Variants in NKX1-2 observed in about 807,000 individuals in gnomAD.
NKX1-2 encodes the protein NK1 transcription factor-related protein 2.
Under a neutral mutation model 4.4 loss-of-function variants are expected in NKX1-2, and 1 was observed. The observed-to-expected ratio is 0.23, with a 90% CI of 0.08 to 1.08. NKX1-2 has a LOEUF of 1.08. Ranked by LOEUF, NKX1-2 falls within the 50% of genes least tolerant of loss-of-function variation. NKX1-2 has a pLI of 0.55. For synonymous variants in NKX1-2, 235 were observed against 228.0 expected (o/e 1.03, Z -0.28); for missense variants, 503 against 464.6 (o/e 1.08, Z -0.76).
Position 124,448,006 on chromosome 10 carries a change from T to G in NKX1-2, c.356A>C (p.Asp119Ala). The change falls in exon 2 of 2, where the codon GAC becomes GCC. Residue 119 changes from aspartate to alanine, a missense_variant. Transcript: ENST00000451024. This position sits in a 1 kb window ranked among gnomAD's most constrained non-coding sequence, Gnocchi z 4.1. ...AGACGCCAATGCCCCGGCCGGGGCGTCAGGTGAGCGCGCTAGGCCCGGCAG... is the reference window on the plus strand; with the variant it reads ...AGACGCCAATGCCCCGGCCGGGGCGGCAGGTGAGCGCGCTAGGCCCGGCAG... ...RLLPGLARSPDAPAGALASGE... is the reference protein window; with the variant it reads ...RLLPGLARSPAAPAGALASGE... 1 of 1,496,698 alleles carries G rather than the reference T, an allele frequency of 6.7e-7. No homozygotes were observed. The highest frequency in any genetic ancestry group is 8.9e-7 in the Non-Finnish European group (1 of 1,129,492). 92.7% of individuals were successfully genotyped at this position (1,496,698 alleles called of 1,614,324 possible).
chr10:124,449,883 A>G lies in NKX1-2; in HGVS notation c.61T>C (p.Ser21Pro). The change falls in exon 1 of 2, where the codon TCT becomes CCT. Residue 21 changes from serine to proline, a missense_variant. Ser to Pro is a moderately conservative substitution (Grantham distance 74, BLOSUM62 -1). Coordinates refer to ENST00000451024, the MANE Select transcript of NKX1-2 (RefSeq NM_001146340.3). This position sits in a 1 kb window ranked among gnomAD's most constrained non-coding sequence, Gnocchi z 7.5. ...TGTGGGTCCAGGATGTCCAGGACAG[A>G]GAAAGAAATCTTGTGGTGGGAGGGA... The part of the protein sequence containing the change: ...AAPSHHKISF[S>P]VLDILDPQKF... 6.4e-7 allele frequency: 1 copy of G among 1,551,054 alleles called. No individual in the cohort carries two copies. The highest frequency in any genetic ancestry group is 8.7e-7 in the Non-Finnish European group (1 of 1,146,496).
In NKX1-2 at chr10:124,448,162, G is replaced by A. The variant is rs963985733; in HGVS notation, c.215-15C>T. The stretch of plus-strand genomic sequence containing the variant: ...GCCCGCAGCATCTAGGGGAGAAGGG[G>A]TCGGTGAACAGAAGCCTCTCCAGGT... On this transcript the variant is annotated splice_polypyrimidine_tract_variant and intron_variant, in intron 1 of 1. Coordinates refer to ENST00000451024, the MANE Select transcript of NKX1-2 (RefSeq NM_001146340.3). This position sits in a 1 kb window ranked among gnomAD's most constrained non-coding sequence, Gnocchi z 4.1. The A allele has an allele frequency of 4.2e-6, 6 of 1,440,998 alleles. No homozygotes were observed. Among genetic ancestry groups the A allele is most frequent in the Non-Finnish European group, 5.4e-6 (6 of 1,104,876 alleles). 89.3% of individuals were successfully genotyped at this position (1,440,998 alleles called of 1,614,324 possible). A position where few individuals can be genotyped will look rare whatever the true frequency, so the allele number is the denominator to read the frequency against.
In NKX1-2 at chr10:124,449,698, C is replaced by T. The variant is rs139322555; in HGVS notation, c.214+32G>A. On this transcript the variant is annotated intron_variant, in intron 1 of 1. Transcript: ENST00000451024. The surrounding 1 kb of genome is among the most constrained non-coding windows in gnomAD (Gnocchi z 7.5). The stretch of plus-strand genomic sequence containing the variant: ...ACACTCCGCATTGTTGGGGCTGAGG[C>T]CTCCTGGGGCCGGGGCCGCCTTGCA... 281 of 1,478,636 alleles carry T rather than the reference C, an allele frequency of 1.9e-4. No homozygotes were observed. The East Asian group carries it at 6.8e-3, about 36-fold the overall frequency. 91.6% of individuals were successfully genotyped at this position (1,478,636 alleles called of 1,614,324 possible). A position where few individuals can be genotyped will look rare whatever the true frequency, so the allele number is the denominator to read the frequency against.
Position 124,449,952 on chromosome 10 carries a change from C to A in NKX1-2, c.-9G>T. ...TCCTGCCATGCCAGCATGCCCGTCG[C>A]CCACGGGCCGGCGGTCGGCGGCGCG... On this transcript the variant is annotated 5_prime_UTR_variant, in exon 1 of 2. Coordinates refer to ENST00000451024, the MANE Select transcript of NKX1-2 (RefSeq NM_001146340.3). This position sits in a 1 kb window ranked among gnomAD's most constrained non-coding sequence, Gnocchi z 7.5. The A allele has an allele frequency of 6.6e-7, 1 of 1,525,784 alleles. No homozygotes were observed. Among genetic ancestry groups the A allele is most frequent in the Non-Finnish European group, 8.8e-7 (1 of 1,131,282 alleles). 94.5% of individuals were successfully genotyped at this position (1,525,784 alleles called of 1,614,324 possible).
rs905947184 is a variant in NKX1-2 at position 124,445,638 on chromosome 10, G to A, written c.*1791C>T. 6.6e-6 allele frequency: 1 copy of A among 152,200 alleles called. No homozygotes were observed. The highest frequency in any genetic ancestry group is 1.5e-5 in the Non-Finnish European group (1 of 68,036). 9.4% of individuals were successfully genotyped at this position (152,200 alleles called of 1,614,324 possible). ...TTATTAAAGGAGTGTTTACCGAAGT[G>A]TAAGGTGAATATTATCTAGTAGAGT... On this transcript the variant is annotated 3_prime_UTR_variant, in exon 2 of 2. Coordinates refer to ENST00000451024, the MANE Select transcript of NKX1-2 (RefSeq NM_001146340.3).
At position 124,449,960 on chromosome 10, in the gene NKX1-2, C is replaced by A. The variant is rs1440491319; in HGVS notation, c.-17G>T. The A allele has an allele frequency of 1.3e-6, 2 of 1,516,542 alleles. No individual in the cohort carries two copies. Among genetic ancestry groups the A allele is most frequent in the East Asian group, 2.5e-5 (1 of 40,262 alleles). The allele number at this position is 1,516,542 out of a possible 1,614,324, so 93.9% of individuals were successfully genotyped here. ...TGCCAGCATGCCCGTCGCCCACGGG[C>A]CGGCGGTCGGCGGCGCGGGGTTGGG... is the stretch of plus-strand genomic sequence containing the variant. On this transcript the variant is annotated 5_prime_UTR_variant, in exon 1 of 2. Transcript: ENST00000451024. The surrounding 1 kb of genome is among the most constrained non-coding windows in gnomAD (Gnocchi z 7.5).
At position 124,447,331 on chromosome 10, in the gene NKX1-2, A is replaced by G; in HGVS notation, c.*98T>C. On this transcript the variant is annotated 3_prime_UTR_variant, in exon 2 of 2. Coordinates refer to ENST00000451024, the MANE Select transcript of NKX1-2 (RefSeq NM_001146340.3). ...GCGCGCGGCGGGCAGGGGTGCGCTG[A>G]CACCCGCGCACCTGCACCCCCGGTG... 1.4e-6 allele frequency: 1 copy of G among 712,306 alleles called. No individual in the cohort carries two copies. The highest frequency in any genetic ancestry group is 1.9e-6 in the Non-Finnish European group (1 of 520,916). 44.1% of individuals were successfully genotyped at this position (712,306 alleles called of 1,614,324 possible). A position where few individuals can be genotyped will look rare whatever the true frequency, so the allele number is the denominator to read the frequency against.
chr10:124,449,639 A>T lies in NKX1-2; in HGVS notation c.214+91T>A. The T allele has an allele frequency of 2.1e-6, 2 of 954,058 alleles. No homozygotes were observed. Among genetic ancestry groups the T allele is most frequent in the Non-Finnish European group, 3.3e-6 (2 of 611,956 alleles). 59.1% of individuals were successfully genotyped at this position (954,058 alleles called of 1,614,324 possible). On this transcript the variant is annotated intron_variant, in intron 1 of 1. Transcript: ENST00000451024. The surrounding 1 kb of genome is among the most constrained non-coding windows in gnomAD (Gnocchi z 7.5). ...CCTTCTCTCTGAGGAAGACGCTGTT[A>T]AGGGCCACTCACCGGGCCCGGCTGT...
At position 124,449,798 on chromosome 10, in the gene NKX1-2, C is replaced by G; in HGVS notation, c.146G>C (p.Ser49Thr). Residue 49 changes from serine to threonine, a missense_variant, in exon 1 of 2, where the codon AGT becomes ACT. Ser to Thr is a moderately conservative substitution (Grantham distance 58). Transcript: ENST00000451024. The surrounding 1 kb of genome is among the most constrained non-coding windows in gnomAD (Gnocchi z 7.5). ...TTTCCCCGCTTCGACCTCCGCCAAACTTTTCCTGGCTTCCCGGGGAGCCGG... is the reference window on the plus strand; with the variant it reads ...TTTCCCCGCTTCGACCTCCGCCAAAGTTTTCCTGGCTTCCCGGGGAGCCGG... ...VRPAPREARK[S>T]LAEVEAGKDA... 1 of 1,551,732 alleles carries G rather than the reference C, an allele frequency of 6.4e-7. No individual in the cohort carries two copies. The highest frequency in any genetic ancestry group is 8.7e-7 in the Non-Finnish European group (1 of 1,146,992).
At position 124,445,876 on chromosome 10, in the gene NKX1-2, T is replaced by C. The variant is rs1046155925; in HGVS notation, c.*1553A>G. The C allele has an allele frequency of 1.3e-5, 2 of 152,218 alleles. No homozygotes were observed. Among genetic ancestry groups the C allele is most frequent in the African/African-American group, 4.8e-5 (2 of 41,460 alleles). 9.4% of individuals were successfully genotyped at this position (152,218 alleles called of 1,614,324 possible). On this transcript the variant is annotated 3_prime_UTR_variant, in exon 2 of 2. Coordinates refer to ENST00000451024, the MANE Select transcript of NKX1-2 (RefSeq NM_001146340.3). ...GGGGAATATTTTCTATCATTCCTGA[T>C]AACAGAACTAGATATTTCAAGATCA... is the stretch of plus-strand genomic sequence containing the variant.
At position 124,447,415 on chromosome 10, in the gene NKX1-2, A is replaced by G; in HGVS notation, c.*14T>C. 1 of 1,243,586 alleles carries G rather than the reference A, an allele frequency of 8.0e-7. No individual in the cohort carries two copies. Among genetic ancestry groups the G allele is most frequent in the Non-Finnish European group, 1.0e-6 (1 of 984,434 alleles). The allele number at this position is 1,243,586 out of a possible 1,614,324, so 77.0% of individuals were successfully genotyped here. ...TCGTGAATCCCGCGAAAGAGGGGCC[A>G]GGGGGCTCCGGATTCATAGACGCGG... is the stretch of plus-strand genomic sequence containing the variant. On this transcript the variant is annotated 3_prime_UTR_variant, in exon 2 of 2. Transcript: ENST00000451024.
In NKX1-2 at chr10:124,449,939, A is replaced by G. The variant is rs1452502417; in HGVS notation, c.5T>C (p.Leu2Pro). The G allele has an allele frequency of 6.5e-7, 1 of 1,534,790 alleles. No homozygotes were observed. The highest frequency in any genetic ancestry group is 2.5e-5 in the East Asian group (1 of 40,452). The change falls in exon 1 of 2, where the codon CTG (leucine) becomes CCG (proline). Residue 2 changes from leucine (L) to proline (P), a missense_variant. Leu to Pro is a moderately conservative substitution (Grantham distance 98). Coordinates refer to ENST00000451024, the MANE Select transcript of NKX1-2 (RefSeq NM_001146340.3). The surrounding 1 kb of genome is among the most constrained non-coding windows in gnomAD (Gnocchi z 7.5). ...CTTGGCCCCGCCGTCCTGCCATGCC[A>G]GCATGCCCGTCGCCCACGGGCCGGC... M[L>P]AWQDGGAKAA...
At position 124,449,088 on chromosome 10, in the gene NKX1-2, G is replaced by A. The variant is rs1030389494; in HGVS notation, c.214+642C>T. Among the ~76,000 whole-genome samples the A allele has an allele frequency of 6.6e-6, 1 of 152,160 alleles. No homozygotes were observed. The highest frequency in any genetic ancestry group is 1.5e-5 in the Non-Finnish European group (1 of 68,030). On this transcript the variant is annotated intron_variant, in intron 1 of 1. Transcript: ENST00000451024. This position sits in a 1 kb window ranked among gnomAD's most constrained non-coding sequence, Gnocchi z 7.5. ...TTCCTAACCCCTTCATCAGGTGTCC[G>A]CCAGCGTTGGGAGTAATTCAGAAAG... is the stretch of plus-strand genomic sequence containing the variant.
At position 124,449,971 on chromosome 10, in the gene NKX1-2, C is replaced by A. The variant is rs756232422; in HGVS notation, c.-28G>T. 6.7e-7 allele frequency: 1 copy of A among 1,497,802 alleles called. No homozygotes were observed. The highest frequency in any genetic ancestry group is 2.1e-5 in the Admixed American group (1 of 47,132). 92.8% of individuals were successfully genotyped at this position (1,497,802 alleles called of 1,614,324 possible). The stretch of plus-strand genomic sequence containing the variant: ...CCGTCGCCCACGGGCCGGCGGTCGG[C>A]GGCGCGGGGTTGGGGATGGCGCCGC... On this transcript the variant is annotated 5_prime_UTR_variant, in exon 1 of 2. Transcript: ENST00000451024. The surrounding 1 kb of genome is among the most constrained non-coding windows in gnomAD (Gnocchi z 7.5).
At position 124,448,288 on chromosome 10, in the gene NKX1-2, A is replaced by C; in HGVS notation, c.215-141T>G. On this transcript the variant is annotated intron_variant, in intron 1 of 1. Transcript: ENST00000451024. The surrounding 1 kb of genome is among the most constrained non-coding windows in gnomAD (Gnocchi z 4.1). ...CCACATCGCGCTCCCCTTAGGCCGG[A>C]CTACACATCCTCGCCAGCGGGTTTA... 1 of 1,259,174 alleles carries C rather than the reference A, an allele frequency of 7.9e-7. No individual in the cohort carries two copies. 78.0% of individuals were successfully genotyped at this position (1,259,174 alleles called of 1,614,324 possible). A position where few individuals can be genotyped will look rare whatever the true frequency, so the allele number is the denominator to read the frequency against.
chr10:124,448,015 C>T lies in NKX1-2; in HGVS notation c.347G>A (p.Arg116His), dbSNP rs1478136175. The change falls in exon 2 of 2, where the codon CGC (arginine) becomes CAC (histidine). Residue 116 changes from arginine to histidine, a missense_variant. Transcript: ENST00000451024. This position sits in a 1 kb window ranked among gnomAD's most constrained non-coding sequence, Gnocchi z 4.1. ...RAARLLPGLA[R>H]SPDAPAGALA... ...TGCCCCGGCCGGGGCGTCAGGTGAG[C>T]GCGCTAGGCCCGGCAGCAAGCGCGC... The T allele has an allele frequency of 2.7e-6, 4 of 1,503,664 alleles. No homozygotes were observed. Among genetic ancestry groups the T allele is most frequent in the Non-Finnish European group, 3.5e-6 (4 of 1,132,464 alleles). The allele number at this position is 1,503,664 out of a possible 1,614,324, so 93.1% of individuals were successfully genotyped here. A position where few individuals can be genotyped will look rare whatever the true frequency, so the allele number is the denominator to read the frequency against.
Position 124,449,922 on chromosome 10 carries a change from C to G in NKX1-2, c.22G>C (p.Gly8Arg). The G allele has an allele frequency of 6.5e-7, 1 of 1,546,420 alleles. No individual in the cohort carries two copies. Among genetic ancestry groups the G allele is most frequent in the Non-Finnish European group, 8.7e-7 (1 of 1,143,470 alleles). MLAWQDG[G>R]AKAAPSHHKI... ...TGGTGGGAGGGAGCCGCCTTGGCCC[C>G]GCCGTCCTGCCATGCCAGCATGCCC... The change falls in exon 1 of 2, where the codon GGG becomes CGG. Residue 8 changes from glycine (G) to arginine (R), a missense_variant. Coordinates refer to ENST00000451024, the MANE Select transcript of NKX1-2 (RefSeq NM_001146340.3). The surrounding 1 kb of genome is among the most constrained non-coding windows in gnomAD (Gnocchi z 7.5).
chr10:124,446,589 T>C lies in NKX1-2; in HGVS notation c.*840A>G, dbSNP rs1208651095. On this transcript the variant is annotated 3_prime_UTR_variant, in exon 2 of 2. Coordinates refer to ENST00000451024, the MANE Select transcript of NKX1-2 (RefSeq NM_001146340.3). ...TAGGCAGCCTCATGCATAGACTTCA[T>C]GATATTAGTTGAGCCATCGCTGCCT... is the stretch of plus-strand genomic sequence containing the variant. The C allele has an allele frequency of 6.6e-6, 1 of 152,212 alleles. No individual in the cohort carries two copies. The highest frequency in any genetic ancestry group is 1.5e-5 in the Non-Finnish European group (1 of 68,040). 9.4% of individuals were successfully genotyped at this position (152,212 alleles called of 1,614,324 possible).
At position 124,449,605 on chromosome 10, in the gene NKX1-2, T is replaced by C. The variant is rs948562665; in HGVS notation, c.214+125A>G. The C allele has an allele frequency of 1.8e-5, 14 of 773,864 alleles. No individual in the cohort carries two copies. Among genetic ancestry groups the C allele is most frequent in the Non-Finnish European group, 2.7e-5 (12 of 450,546 alleles). 47.9% of individuals were successfully genotyped at this position (773,864 alleles called of 1,614,324 possible). Reference sequence around the variant, plus strand: ...GGCGGGGGCTACACTTCGCACCCGGTCCCGTGCGCCTTCTCTCTGAGGAAG... The same window carrying C: ...GGCGGGGGCTACACTTCGCACCCGGCCCCGTGCGCCTTCTCTCTGAGGAAG... On this transcript the variant is annotated intron_variant, in intron 1 of 1. Coordinates refer to ENST00000451024, the MANE Select transcript of NKX1-2 (RefSeq NM_001146340.3). The surrounding 1 kb of genome is among the most constrained non-coding windows in gnomAD (Gnocchi z 7.5).
Sources: gnomAD v4.1 joint callset for allele counts (sites outside exome capture counted in the v4.1 genomes callset) on GRCh38, gnomAD v4.1.1 for gene constraint, Gnocchi (gnomAD v3.1) non-coding constraint, MANE v1.5 for transcripts, NCBI Gene and HGNC (gene_info 2026-07-23, HGNC 2026-07-21) for gene names.